TBCE: variants seen among roughly 807,000 people sequenced by gnomAD.
The protein encoded by TBCE is tubulin-specific chaperone E.
Under a neutral mutation model 77.0 loss-of-function variants are expected in TBCE, and 53 were observed. The observed-to-expected ratio is 0.69, with a 90% CI of 0.55 to 0.87. The LOEUF is 0.87. TBCE is among the 40% of genes least tolerant of loss of function. TBCE has a pLI of 0.00. For synonymous variants in TBCE, 235 were observed against 241.3 expected (o/e 0.97, Z 0.24); for missense variants, 624 against 622.4 (o/e 1.00, Z -0.03).
intron 1 of TBCE, among the ~76,000 whole-genome samples, chr1:235,370,742 TTTC>T (rs767393302): frequency 8.3e-5 from 10 of 120,444 alleles, no homozygotes; most frequent in South Asian, 7.3e-4. Context: ...CTCCTTGTCT[TTTC>T]TTTTTTTTTT....
chr1:235,376,843 G>A (rs1223585182), intron 1 of TBCE, among the ~76,000 whole-genome samples: 2 of 151,942 alleles, frequency 1.3e-5, no homozygotes, highest in Admixed American at 1.3e-4. Flanking sequence ...GCCTGGTGGC[G>A]GCCGCCTGTA....
intron 3 of TBCE, among the ~76,000 whole-genome samples, chr1:235,404,365 T>C (rs1218459990): frequency 2.6e-5 from 4 of 151,614 alleles, no homozygotes; most frequent in African/African-American, 9.7e-5. Context: ...GTCATTAGGA[T>C]TGTTTAAGCC....
At chr1:235,430,564 G>C in intron 6 of TBCE, 141 bp from the exon 7 acceptor site, 1 of 630,162 alleles carries the variant, frequency 1.6e-6, no homozygotes, top group Non-Finnish European at 2.8e-6. Context: ...TTAAAAAAGT[G>C]ATTTTTAAAA....
rs11285286 is a variant in TBCE, at chr1:235,401,826, C to CTTTT, written c.185+259_185+262dup. On this transcript the variant is annotated intron_variant, in intron 3 of 16. Coordinates refer to ENST00000642610, the MANE Select transcript of TBCE (RefSeq NM_003193.5). ...TATGCATGGCGTTGCTTTCTTCGTC[C>CTTTT]TTTTTTTTTTTTTTTTTTTTTTTAA... 4.1e-3 allele frequency among the ~76,000 whole-genome samples: 366 copies of CTTTT among 88,522 alleles called. 3 individuals are homozygous for CTTTT. Among genetic ancestry groups the CTTTT allele is most frequent in the African/African-American group, 0.01 (211 of 20,576 alleles). 58.1% of individuals were successfully genotyped at this position (88,522 alleles called of 152,430 possible).
chr1:235,386,806 G>C (rs1265860446), intron 2 of TBCE, among the ~76,000 whole-genome samples: 1 of 152,178 alleles, frequency 6.6e-6, no homozygotes, highest in African/African-American at 2.4e-5. Context: ...ATTTGTCAAA[G>C]TCATTCTCTG....
At chr1:235,375,074 C>G (rs887299589) in intron 1 of TBCE, among the ~76,000 whole-genome samples, 3 of 150,632 alleles carry the variant, frequency 2.0e-5, no homozygotes, top group Non-Finnish European at 4.4e-5. Flanking sequence ...GCGCCCACCA[C>G]CACGCCCGGC....
At chr1:235,387,106 A>G (rs1239064718) in intron 2 of TBCE, among the ~76,000 whole-genome samples, 1 of 152,230 alleles carries the variant, frequency 6.6e-6, no homozygotes, top group Non-Finnish European at 1.5e-5. Context: ...TGGCTGCAGA[A>G]CAGCGGATTT....
chr1:235,377,762 C>T (rs931333344), intron 1 of TBCE, among the ~76,000 whole-genome samples: 11 of 151,976 alleles, frequency 7.2e-5, no homozygotes, highest in African/African-American at 2.2e-4. Context: ...AGCGATTCTC[C>T]TGCCTCAGCC....
intron 2 of TBCE, among the ~76,000 whole-genome samples, chr1:235,380,770 T>C (rs1677587504): frequency 1.3e-5 from 2 of 152,144 alleles, no homozygotes; most frequent in Non-Finnish European, 2.9e-5. Flanking sequence ...TAAGTCTTAG[T>C]CAACAAAAAT....
rs1558405659 is a variant in TBCE, at chr1:235,451,512, C to T, written c.*2750C>T. ...AAAAAAGACCGCATCAGAAAACAAG[C>T]GCCATGAACAACAGTTGTAGAAACA... On this transcript the variant is annotated 3_prime_UTR_variant, in exon 17 of 17. Transcript: ENST00000642610. 3 of 146,852 alleles carry T rather than the reference C, an allele frequency of 2.0e-5. No individual in the cohort carries two copies. The highest frequency in any genetic ancestry group is 1.4e-4 in the Admixed American group (2 of 14,762). 9.1% of individuals were successfully genotyped at this position (146,852 alleles called of 1,614,324 possible). A position where few individuals can be genotyped will look rare whatever the true frequency, so the allele number is the denominator to read the frequency against.
intron 1 of TBCE, among the ~76,000 whole-genome samples, chr1:235,375,676 G>T (rs989710402): frequency 2.0e-5 from 3 of 152,094 alleles, no homozygotes; most frequent in South Asian, 4.2e-4. Flanking sequence ...CAGTTTCTAG[G>T]TCTTCACGGA....
At chr1:235,399,429 A>G (rs1678948822) in intron 2 of TBCE, among the ~76,000 whole-genome samples, 1 of 152,068 alleles carries the variant, frequency 6.6e-6, no homozygotes, top group Non-Finnish European at 1.5e-5. Context: ...CCTGCCCTCC[A>G]TTCTCCTGCC....
intron 9 of TBCE, 79 bp from the exon 10 acceptor site, chr1:235,436,307 T>C: frequency 7.0e-7 from 1 of 1,432,286 alleles, no homozygotes; most frequent in Non-Finnish European, 9.8e-7. Context: ...AGGAAAAAAA[T>C]TTACAAACCG....
chr1:235,423,352 T>C (rs1199294877), intron 5 of TBCE, among the ~76,000 whole-genome samples: 1 of 152,112 alleles, frequency 6.6e-6, no homozygotes, highest in African/African-American at 2.4e-5. Flanking sequence ...GTGGTTGATT[T>C]CAGGATGTAG....
At chr1:235,414,805 AC>A in intron 4 of TBCE, 187 bp downstream of exon 4, 1 of 623,780 alleles carries the variant, frequency 1.6e-6, no homozygotes, top group South Asian at 1.8e-5. Context: ...TTATGTTAGC[AC>A]AGGATTGGTA....
chr1:235,436,205 TTA>T, intron 9 of TBCE, 179 bp from the exon 10 acceptor site: 1 of 645,748 alleles, frequency 1.5e-6, no homozygotes, highest in Non-Finnish European at 2.7e-6. Flanking sequence ...TATGGAGTCA[TTA>T]GAATACAGGA....
intron 5 of TBCE, among the ~76,000 whole-genome samples, chr1:235,422,243 GGC>G (rs1242311401): frequency 2.6e-5 from 4 of 152,250 alleles, no homozygotes; most frequent in Admixed American, 6.5e-5. Flanking sequence ...TGTGTACAGT[GGC>G]TCATGCCTGT....
chr1:235,427,565 CG>C (rs1234582644), intron 6 of TBCE, among the ~76,000 whole-genome samples: 2 of 152,112 alleles, frequency 1.3e-5, no homozygotes, highest in African/African-American at 4.8e-5. Flanking sequence ...TTTCCAGCCA[CG>C]TGTACAGTAA....
intron 3 of TBCE, among the ~76,000 whole-genome samples, chr1:235,411,891 C>T (rs559800805): frequency 8.6e-5 from 13 of 152,036 alleles, no homozygotes; most frequent in Middle Eastern, 3.4e-3. Flanking sequence ...GTAGGCTGTG[C>T]TCACTTGCCT....
Sources: allele counts gnomAD v4.1 joint callset (sites outside exome capture counted in the v4.1 genomes callset), GRCh38; gene constraint gnomAD v4.1.1; transcripts MANE v1.5; gene names NCBI Gene and HGNC (gene_info 2026-07-23, HGNC 2026-07-21).